RILPL1: variants seen among roughly 807,000 people sequenced by gnomAD.
RILPL1 encodes the protein Rab interacting lysosomal protein like 1, also known as RILP-like protein 1.
Under a neutral mutation model 50.3 loss-of-function variants are expected in RILPL1, and 33 were observed. The observed-to-expected ratio is 0.66, with a 90% CI of 0.50 to 0.88. The LOEUF is 0.88. RILPL1 is among the 40% of genes least tolerant of loss of function. RILPL1 has a pLI of 0.00. For missense variants in RILPL1, 418 were observed against 542.5 expected, an observed-to-expected ratio of 0.77 and a Z score of 2.28; for synonymous variants, 205 against 228.6, an observed-to-expected ratio of 0.90 and a Z score of 0.93.
At chr12:123,532,138 G>A (rs1885458802) in intron 1 of RILPL1, among the ~76,000 whole-genome samples, 1 of 152,244 alleles carries the variant, frequency 6.6e-6, no homozygotes, top group Non-Finnish European at 1.5e-5. Context: ...GAGGTTCAGA[G>A]AGGCCATCTG....
At chr12:123,494,327 T>G (rs562143702) in intron 4 of RILPL1, among the ~76,000 whole-genome samples, 1 of 152,298 alleles carries the variant, frequency 6.6e-6, no homozygotes, top group East Asian at 1.9e-4. Context: ...AAGGGATAGA[T>G]GCGAACCCAG....
intron 2 of RILPL1, among the ~76,000 whole-genome samples, chr12:123,516,722 G>C (rs1884716668): frequency 6.6e-6 from 1 of 152,198 alleles, no homozygotes; most frequent in African/African-American, 2.4e-5. Flanking sequence ...TGGTGGATGA[G>C]GGGGGATGAG....
chr12:123,478,852 CT>C (rs1337798087), intron 6 of RILPL1, among the ~76,000 whole-genome samples: 1 of 152,228 alleles, frequency 6.6e-6, no homozygotes, highest in Non-Finnish European at 1.5e-5. Flanking sequence ...CTGGTGTTCA[CT>C]GGGGACGAGG....
chr12:123,512,791 TTGTGTG>T (rs375653800), intron 2 of RILPL1, among the ~76,000 whole-genome samples: 3 of 117,972 alleles, frequency 2.5e-5, no homozygotes, highest in Non-Finnish European at 3.5e-5. Context: ...TGTGTGAGGT[TTGTGTG>T]TGTGTGTGGT....
rs144348128 is a variant in RILPL1 at position 123,499,797 on chromosome 12, C to T, written c.461-261G>A. ...CCTTCTCATCTCCCTGTGGCTGGCG[C>T]GCTTCATTTTTCAGGCCTCAGCCCA... On this transcript the variant is annotated intron_variant, in intron 2 of 6. Transcript: ENST00000376874. Among the ~76,000 whole-genome samples the T allele has an allele frequency of 4.2e-4, 64 of 152,156 alleles. No homozygotes were observed. In the East Asian group the frequency reaches 9.7e-3, roughly 23 times the overall value.
In RILPL1 at chr12:123,485,547, CA is replaced by C. The variant is rs1882269505; in HGVS notation, c.974+85del. The C allele has an allele frequency of 6.3e-6, 8 of 1,277,084 alleles. No homozygotes were observed. The highest frequency in any genetic ancestry group is 2.5e-5 in the Admixed American group (1 of 40,088). The allele number at this position is 1,277,084 out of a possible 1,614,324, so 79.1% of individuals were successfully genotyped here. ...AAACACTGATGAAATGCTTGTCTTC[CA>C]GGGGGTAAGAAGGTAACTGTACAGA... is the stretch of plus-strand genomic sequence containing the variant. On this transcript the variant is annotated intron_variant, in intron 5 of 6. Transcript: ENST00000376874. This position sits in a 1 kb window ranked among gnomAD's most constrained non-coding sequence, Gnocchi z 4.0.
chr12:123,511,622 GTGTGGTGTGTGAGGTC>G (rs1884224136), intron 2 of RILPL1, among the ~76,000 whole-genome samples: 2 of 146,504 alleles, frequency 1.4e-5, no homozygotes. Context: ...TGAGGTCTGT[GTGTGGTGTGTGAGGTC>G]TGTGTGTGTG....
Position 123,485,685 on chromosome 12 carries a change from C to T in RILPL1, c.922G>A (p.Glu308Lys), listed in dbSNP as rs779371624. 46 of 1,613,686 alleles carry T rather than the reference C, an allele frequency of 2.9e-5. No individual in the cohort carries two copies. In the East Asian group the frequency reaches 3.1e-4, roughly 11 times the overall value. The change falls in exon 5 of 7, where the codon GAG (glutamate) becomes AAG (lysine). Residue 308 changes from glutamate (E) to lysine (K), a missense_variant. Transcript: ENST00000376874. This position sits in a 1 kb window ranked among gnomAD's most constrained non-coding sequence, Gnocchi z 4.0. The stretch of plus-strand genomic sequence containing the variant: ...AGCAAGAACACCTTGGACTTGAGCT[C>T]GTTCCTCTCGTGCAGCACGTCCCGC... ...ELRDVLHERN[E>K]LKSKVFLLQE... is the part of the protein sequence containing the mutation.
chr12:123,510,318 C>T (rs894032095), intron 2 of RILPL1, among the ~76,000 whole-genome samples: 1 of 152,192 alleles, frequency 6.6e-6, no homozygotes, highest in African/African-American at 2.4e-5. Flanking sequence ...CCCGGGGACA[C>T]GGCTAACGCT....
chr12:123,493,063 G>C (rs976068952), intron 4 of RILPL1, among the ~76,000 whole-genome samples: 2 of 152,098 alleles, frequency 1.3e-5, no homozygotes, highest in Non-Finnish European at 2.9e-5. Flanking sequence ...AAAGAGGAAG[G>C]CATGCCTCTT....
Position 123,476,986 on chromosome 12 carries a change from GGCGCCATGACCCTAA to G in RILPL1, c.1068-4319_1068-4305del, listed in dbSNP as rs543419044. ...TCCTCCCCAACTGCGATGAGCTGCA[GGCGCCATGACCCTAA>G]GCGCCAGGCGAGAACCAGGAGAGAC... On this transcript the variant is annotated intron_variant, in intron 6 of 6. Transcript: ENST00000376874. Among the ~76,000 whole-genome samples, 19 of 152,318 alleles carry G rather than the reference GGCGCCATGACCCTAA, an allele frequency of 1.2e-4. No individual in the cohort carries two copies. The East Asian group carries it at 2.7e-3, about 22-fold the overall frequency.
Position 123,498,466 on chromosome 12 carries a change from CA to C in RILPL1, c.801+77del. The C allele has an allele frequency of 7.5e-7, 1 of 1,328,890 alleles. No homozygotes were observed. The highest frequency in any genetic ancestry group is 1.1e-6 in the Non-Finnish European group (1 of 938,592). The allele number at this position is 1,328,890 out of a possible 1,614,324, so 82.3% of individuals were successfully genotyped here. On this transcript the variant is annotated intron_variant, in intron 4 of 6. Coordinates refer to ENST00000376874, the MANE Select transcript of RILPL1 (RefSeq NM_178314.5). The surrounding 1 kb of genome is among the most constrained non-coding windows in gnomAD (Gnocchi z 4.3). ...ATTTTCTGAAGTATAATGGGGAAAA[CA>C]AGGCAACCCTGCCTGCCTTAAGCCA...
rs2139399280 is a variant in RILPL1 at position 123,533,715 on chromosome 12, C to G, written c.-233G>C. 1 of 168,230 alleles carries G rather than the reference C, an allele frequency of 5.9e-6. No homozygotes were observed. Among genetic ancestry groups the G allele is most frequent in the East Asian group, 1.8e-4 (1 of 5,648 alleles). The allele number at this position is 168,230 out of a possible 1,614,324, so 10.4% of individuals were successfully genotyped here. A position where few individuals can be genotyped will look rare whatever the true frequency, so the allele number is the denominator to read the frequency against. On this transcript the variant is annotated 5_prime_UTR_variant, in exon 1 of 7. Transcript: ENST00000376874. The surrounding 1 kb of genome is among the most constrained non-coding windows in gnomAD (Gnocchi z 6.2). ...GCCCGGCTCGGCCCGGAGCTGCTCCCGAGTGGGCGGCGGCGGCGGCGGCGG... is the reference window on the plus strand; with the variant it reads ...GCCCGGCTCGGCCCGGAGCTGCTCCGGAGTGGGCGGCGGCGGCGGCGGCGG...
At chr12:123,525,196 T>C (rs548666677) in intron 1 of RILPL1, among the ~76,000 whole-genome samples, 1 of 151,930 alleles carries the variant, frequency 6.6e-6, no homozygotes, top group East Asian at 1.9e-4. Context: ...TGCAAAACTC[T>C]AAAAACCACT....
chr12:123,484,650 CTTTT>C (rs61080090), intron 5 of RILPL1, among the ~76,000 whole-genome samples: 2 of 110,136 alleles, frequency 1.8e-5, no homozygotes, highest in African/African-American at 3.7e-5. Flanking sequence ...ACTCTCCCAT[CTTTT>C]TTTTTTTTTT....
intron 2 of RILPL1, among the ~76,000 whole-genome samples, chr12:123,511,954 G>GT (rs1884299248): frequency 9.8e-6 from 1 of 102,014 alleles, no homozygotes; most frequent in Non-Finnish European, 2.0e-5. Context: ...GTGTGTGTGT[G>GT]GTGTGAGATC....
At chr12:123,506,701 A>G (rs1276972052) in intron 2 of RILPL1, among the ~76,000 whole-genome samples, 1 of 152,182 alleles carries the variant, frequency 6.6e-6, no homozygotes, top group Non-Finnish European at 1.5e-5. Flanking sequence ...CTGAGCCTCT[A>G]TTCACTCATC....
At chr12:123,513,138 CCG>C (rs200543000) in intron 2 of RILPL1, among the ~76,000 whole-genome samples, 2 of 126,992 alleles carry the variant, frequency 1.6e-5, no homozygotes, top group Admixed American at 7.8e-5. Flanking sequence ...TGTGTGAGGT[CCG>C]TGTGTGTGTG....
intron 2 of RILPL1, among the ~76,000 whole-genome samples, chr12:123,521,547 ATG>A (rs71088923): frequency 0.45 from 11,394 of 25,462 alleles, 2,407 homozygotes; most frequent in Non-Finnish European, 0.52. Context: ...ATGTATATAT[ATG>A]TGTGTATATA....
Sources: gnomAD v4.1 joint callset for allele counts (sites outside exome capture counted in the v4.1 genomes callset) on GRCh38, gnomAD v4.1.1 for gene constraint, Gnocchi (gnomAD v3.1) non-coding constraint, MANE v1.5 for transcripts, NCBI Gene and HGNC (gene_info 2026-07-23, HGNC 2026-07-21) for gene names.